BCL2: variants seen among roughly 807,000 people sequenced by gnomAD.
The protein encoded by BCL2 is BCL2 apoptosis regulator.
A neutral mutation model predicts 14.2 loss-of-function variants in BCL2; 1 was observed. The observed-to-expected ratio is 0.07, with a 90% CI of 0.02 to 0.33. BCL2 has a LOEUF of 0.33. Ranked by LOEUF, BCL2 falls within the 10% of genes least tolerant of loss-of-function variation. The pLI, the probability that BCL2 is intolerant of heterozygous loss-of-function variation, is 0.99. For missense variants in BCL2, 247 were observed against 305.9 expected (o/e 0.81, Z 1.44); for synonymous variants, 151 against 137.2 (o/e 1.10, Z -0.70).
intron 2 of BCL2, among the ~76,000 whole-genome samples, chr18:63,310,400 C>T (rs1015956860): frequency 6.6e-6 from 1 of 152,200 alleles, no homozygotes; most frequent in Admixed American, 6.5e-5. Flanking sequence ...ACCTGAAAGA[C>T]CCTCTCCCCG....
chr18:63,243,655 G>A (rs926580133), intron 2 of BCL2, among the ~76,000 whole-genome samples: 2 of 152,160 alleles, frequency 1.3e-5, no homozygotes, highest in African/African-American at 4.8e-5. Flanking sequence ...CTCCCACTCC[G>A]GGAAATCGAG....
chr18:63,261,439 G>A (rs1415142701), intron 2 of BCL2, among the ~76,000 whole-genome samples: 1 of 152,180 alleles, frequency 6.6e-6, no homozygotes, highest in Non-Finnish European at 1.5e-5. Context: ...GGAGTAAGGA[G>A]CAAGAAATAG....
At chr18:63,277,475 G>T (rs1912187739) in intron 2 of BCL2, among the ~76,000 whole-genome samples, 1 of 151,144 alleles carries the variant, frequency 6.6e-6, no homozygotes, top group Admixed American at 6.6e-5. Flanking sequence ...AAAAAAAATT[G>T]TTAATGAGCC....
At chr18:63,178,371 C>G (rs1915398505) in intron 2 of BCL2, among the ~76,000 whole-genome samples, 1 of 152,204 alleles carries the variant, frequency 6.6e-6, no homozygotes, top group South Asian at 2.1e-4. Context: ...CAGGGGAGGG[C>G]GGGGCGCTGT....
chr18:63,184,237 C>T (rs1249124024), intron 2 of BCL2, among the ~76,000 whole-genome samples: 1 of 152,232 alleles, frequency 6.6e-6, no homozygotes, highest in Non-Finnish European at 1.5e-5. Flanking sequence ...TGACACCGAC[C>T]CACTCTTCTA....
chr18:63,134,110 G>A (rs1243410385), intron 2 of BCL2, among the ~76,000 whole-genome samples: 7 of 152,108 alleles, frequency 4.6e-5, no homozygotes, highest in African/African-American at 1.4e-4. Flanking sequence ...AAAGGAAAAC[G>A]CAAAGATGTT....
At chr18:63,284,939 CA>C (rs1217671481) in intron 2 of BCL2, among the ~76,000 whole-genome samples, 1 of 152,164 alleles carries the variant, frequency 6.6e-6, no homozygotes, top group Non-Finnish European at 1.5e-5. Context: ...TCCACTCCAG[CA>C]AGGGCAGACG....
chr18:63,282,111 A>G (rs1487633174), intron 2 of BCL2, among the ~76,000 whole-genome samples: 1 of 152,254 alleles, frequency 6.6e-6, no homozygotes, highest in African/African-American at 2.4e-5. Context: ...TTTGTCGGCT[A>G]AAGTGAGCTT....
At chr18:63,281,011 G>T (rs535990773) in intron 2 of BCL2, among the ~76,000 whole-genome samples, 1 of 152,324 alleles carries the variant, frequency 6.6e-6, no homozygotes, top group East Asian at 1.9e-4. Context: ...CCTTCAAAAT[G>T]AAGGAAGCTG....
intron 2 of BCL2, among the ~76,000 whole-genome samples, chr18:63,225,646 G>C (rs1449397192): frequency 6.6e-6 from 1 of 152,194 alleles, no homozygotes; most frequent in East Asian, 1.9e-4. Context: ...ATGGGCGCTG[G>C]AACTTGCCAG....
intron 2 of BCL2, among the ~76,000 whole-genome samples, chr18:63,187,734 C>T (rs1415442837): frequency 6.6e-6 from 1 of 152,208 alleles, no homozygotes; most frequent in Admixed American, 6.5e-5. Context: ...ACATGGCCAC[C>T]CTGGGGGTAC....
chr18:63,172,736 G>A (rs979127536), intron 2 of BCL2, among the ~76,000 whole-genome samples: 5 of 152,234 alleles, frequency 3.3e-5, no homozygotes, highest in African/African-American at 9.6e-5. Context: ...AGCCGAGATC[G>A]TGCCACTGCA....
intron 2 of BCL2, among the ~76,000 whole-genome samples, chr18:63,239,176 T>C (rs1011412231): frequency 3.9e-5 from 6 of 152,200 alleles, no homozygotes; most frequent in African/African-American, 1.4e-4. Flanking sequence ...GATTATATTC[T>C]AAAACAAAAC....
intron 2 of BCL2, among the ~76,000 whole-genome samples, chr18:63,229,273 A>G (rs1910627041): frequency 6.6e-6 from 1 of 152,210 alleles, no homozygotes; most frequent in Non-Finnish European, 1.5e-5. Flanking sequence ...TTATTATTTT[A>G]AAAATTGAGG....
chr18:63,281,724 GAAAGAAAGAAAGAAAA>G (rs1314933595), intron 2 of BCL2, among the ~76,000 whole-genome samples: 224 of 127,962 alleles, frequency 1.8e-3, no homozygotes, highest in African/African-American at 5.9e-3. Context: ...AAGAAAGAAA[GAAAGAAAGAAAGAAAA>G]AGAGAGAGGA....
At chr18:63,162,003 G>C (rs972549945) in intron 2 of BCL2, 21 of 152,168 alleles carry the variant, frequency 1.4e-4, no homozygotes, top group African/African-American at 5.1e-4. Flanking sequence ...GCAGTTCTTA[G>C]AACACAGATT....
intron 2 of BCL2, among the ~76,000 whole-genome samples, chr18:63,300,177 G>A (rs1490476307): frequency 6.6e-6 from 1 of 152,132 alleles, no homozygotes; most frequent in African/African-American, 2.4e-5. Flanking sequence ...TGCACAGACA[G>A]AATAATTTAG....
intron 2 of BCL2, among the ~76,000 whole-genome samples, chr18:63,246,593 G>A (rs928190483): frequency 2.6e-5 from 4 of 151,916 alleles, no homozygotes; most frequent in African/African-American, 2.4e-5. Flanking sequence ...CATCCTACCC[G>A]CTCCCTCCCA....
At chr18:63,212,454 G>A (rs143628232) in intron 2 of BCL2, among the ~76,000 whole-genome samples, 1,644 of 151,894 alleles carry the variant, frequency 0.011, 44 homozygotes, top group Non-Finnish European at 0.014. Context: ...TAACAGCCAC[G>A]TGAAGTAGAC....
Sources: allele counts gnomAD v4.1 joint callset (sites outside exome capture counted in the v4.1 genomes callset), GRCh38; gene constraint gnomAD v4.1.1; transcripts MANE v1.5; gene names NCBI Gene and HGNC (gene_info 2026-07-23, HGNC 2026-07-21).